PRKCH: variants seen among roughly 807,000 people sequenced by gnomAD.
PRKCH encodes protein kinase C eta type.
PRKCH carries 28 observed loss-of-function variants against 82.5 expected under a neutral mutation model. The observed-to-expected ratio is 0.34, with a 90% CI of 0.25 to 0.47. The LOEUF is 0.47. PRKCH is among the 20% of genes least tolerant of loss of function. The probability of loss-of-function intolerance (pLI) is 1.00; values close to 1 mark genes in which losing one functional copy is unlikely to be tolerated. For synonymous variants in PRKCH, 322 were observed against 327.4 expected, an observed-to-expected ratio of 0.98 and a Z score of 0.18; for missense variants, 705 against 881.8, an observed-to-expected ratio of 0.80 and a Z score of 2.54.
chr14:61,399,021 T>C (rs1168788770), intron 2 of PRKCH, among the ~76,000 whole-genome samples: 1 of 152,222 alleles, frequency 6.6e-6, no homozygotes, highest in African/African-American at 2.4e-5. Context: ...TGTGGTATTG[T>C]GGTTACTTAA....
chr14:61,455,053 G>A (rs559516522), intron 7 of PRKCH, among the ~76,000 whole-genome samples: 2 of 149,102 alleles, frequency 1.3e-5, no homozygotes, highest in South Asian at 2.1e-4. Flanking sequence ...TTTTTGAGAC[G>A]GAGTCTGGCT....
At chr14:61,328,619 A>G (rs923122502) in intron 1 of PRKCH, among the ~76,000 whole-genome samples, 4 of 152,128 alleles carry the variant, frequency 2.6e-5, no homozygotes, top group Non-Finnish European at 1.5e-5. Context: ...AGTGTGGTGC[A>G]TTTTTATGAG....
intron 3 of PRKCH, among the ~76,000 whole-genome samples, chr14:61,443,901 A>T (rs1330352861): frequency 6.6e-6 from 1 of 152,238 alleles, no homozygotes; most frequent in African/African-American, 2.4e-5. Flanking sequence ...CTTTAGTGAT[A>T]AATTAAGCAT....
At chr14:61,470,653 T>A (rs1218134703) in intron 9 of PRKCH, among the ~76,000 whole-genome samples, 1 of 152,172 alleles carries the variant, frequency 6.6e-6, no homozygotes, top group Non-Finnish European at 1.5e-5. Flanking sequence ...AAAGAGCCTG[T>A]ATTTTTTAGC....
At chr14:61,459,762 T>G (rs1374245694) in intron 9 of PRKCH, among the ~76,000 whole-genome samples, 1 of 152,232 alleles carries the variant, frequency 6.6e-6, no homozygotes, top group Non-Finnish European at 1.5e-5. Context: ...AAAGCATATA[T>G]ATACAGCACA....
intron 1 of PRKCH, chr14:61,307,099 T>A (rs1471483143): frequency 6.6e-6 from 1 of 152,174 alleles, no homozygotes; most frequent in Non-Finnish European, 1.5e-5. Context: ...TAACTTGTAA[T>A]TTTCTTAACA....
At chr14:61,389,902 A>G (rs1273661746) in intron 1 of PRKCH, among the ~76,000 whole-genome samples, 1 of 152,130 alleles carries the variant, frequency 6.6e-6, no homozygotes, top group Non-Finnish European at 1.5e-5. Flanking sequence ...TTTAAATTTA[A>G]TATTTGACCA....
At chr14:61,392,685 G>A (rs2046702215) in intron 2 of PRKCH, among the ~76,000 whole-genome samples, 1 of 151,978 alleles carries the variant, frequency 6.6e-6, no homozygotes, top group African/African-American at 2.4e-5. Flanking sequence ...CCCAGTCTGT[G>A]GCTTGCCTTT....
rs2043304577 is a variant in PRKCH at position 61,549,818 on chromosome 14, A to C, written c.2039A>C (p.Glu680Ala). Reference protein sequence around the residue: ...EFRNFSYVSPELQP With the variant: ...EFRNFSYVSPALQP The stretch of plus-strand genomic sequence containing the variant: ...AGAAACTTTTCCTATGTGTCTCCAG[A>C]ATTGCAACCATAGCCTTATGGGGAG... The change falls in exon 14 of 14, where the codon GAA becomes GCA. Residue 680 changes from glutamate (E) to alanine (A), a missense_variant. Around this residue, in one of 5 missense-constraint regions of PRKCH, gnomAD observed 91 missense variants for 81.2 expected, o/e 1.12. Coordinates refer to ENST00000332981, the MANE Select transcript of PRKCH (RefSeq NM_006255.5). 1 of 1,613,874 alleles carries C rather than the reference A, an allele frequency of 6.2e-7. No homozygotes were observed. Among genetic ancestry groups the C allele is most frequent in the Non-Finnish European group, 8.5e-7 (1 of 1,179,996 alleles).
chr14:61,485,788 G>T, intron 10 of PRKCH, 132 bp downstream of exon 10: 1 of 1,285,982 alleles, frequency 7.8e-7, no homozygotes, highest in Non-Finnish European at 1.1e-6. Flanking sequence ...TTTTGTTTTG[G>T]TTTTTGTTTT....
At chr14:61,341,195 C>G (rs2045926878) in intron 1 of PRKCH, among the ~76,000 whole-genome samples, 1 of 152,170 alleles carries the variant, frequency 6.6e-6, no homozygotes, top group Non-Finnish European at 1.5e-5. Context: ...CCTGCCTTCC[C>G]CATTCCATCT....
chr14:61,280,873 C>G lies in PRKCH; in HGVS notation c.-19+93205C>G. ...CAGCGAGAAGTACCAGGCGCACGAG[C>G]AGGGGGGCGGCAGCGCCCGGCCCTG... On this transcript the variant is annotated intron_variant, in intron 1 of 3. Transcript: ENST00000555185. The surrounding 1 kb of genome is among the most constrained non-coding windows in gnomAD (Gnocchi z 5.0). The G allele has an allele frequency of 1.9e-6, 3 of 1,565,384 alleles. No individual in the cohort carries two copies. The highest frequency in any genetic ancestry group is 2.6e-6 in the Non-Finnish European group (3 of 1,163,464).
chr14:61,221,486 C>T (rs893039646), intron 1 of PRKCH, among the ~76,000 whole-genome samples: 1 of 152,160 alleles, frequency 6.6e-6, no homozygotes, highest in East Asian at 1.9e-4. Context: ...ATGTGCTTCC[C>T]TCCATGTGCC....
At chr14:61,239,723 C>T (rs1306071934) in intron 1 of PRKCH, among the ~76,000 whole-genome samples, 3 of 152,176 alleles carry the variant, frequency 2.0e-5, no homozygotes, top group African/African-American at 4.8e-5. Context: ...TCAATAGCTT[C>T]TTTGTTTTGC....
At chr14:61,459,907 G>A (rs1018311110) in intron 9 of PRKCH, among the ~76,000 whole-genome samples, 2 of 152,148 alleles carry the variant, frequency 1.3e-5, no homozygotes, top group Admixed American at 1.3e-4. Flanking sequence ...GTGCAGTGAC[G>A]GTTATGGCTC....
At chr14:61,258,397 T>C (rs991409347) in intron 1 of PRKCH, among the ~76,000 whole-genome samples, 2 of 152,176 alleles carry the variant, frequency 1.3e-5, no homozygotes, top group Admixed American at 1.3e-4. Flanking sequence ...ATCACAAGAT[T>C]AAGACATTTT....
chr14:61,537,522 C>G (rs1594795698), intron 12 of PRKCH: 1 of 152,172 alleles, frequency 6.6e-6, no homozygotes, highest in Non-Finnish European at 1.5e-5. Context: ...TTGCCCTCAT[C>G]TAGGTCCAGA....
chr14:61,288,345 T>G (rs2045333213), intron 1 of PRKCH, among the ~76,000 whole-genome samples: 1 of 152,214 alleles, frequency 6.6e-6, no homozygotes, highest in African/African-American at 2.4e-5. Context: ...TCCTCCTGCC[T>G]CAGCCTCTCA....
chr14:61,286,815 G>C (rs548603599), intron 1 of PRKCH, among the ~76,000 whole-genome samples: 1 of 152,246 alleles, frequency 6.6e-6, no homozygotes, highest in Non-Finnish European at 1.5e-5. Flanking sequence ...AGTTGGGTGG[G>C]TTGAGTTGCA....
Sources: gnomAD v4.1 joint callset for allele counts (sites outside exome capture counted in the v4.1 genomes callset) on GRCh38, gnomAD v4.1.1 for gene constraint, gnomAD v4.1.1 regional missense constraint, Gnocchi (gnomAD v3.1) non-coding constraint, MANE v1.5 for transcripts, NCBI Gene and HGNC (gene_info 2026-07-23, HGNC 2026-07-21) for gene names.